TUBD1: variants seen among roughly 807,000 people sequenced by gnomAD.
The protein encoded by TUBD1 is tubulin delta 1.
A neutral mutation model predicts 51.2 loss-of-function variants in TUBD1; 38 were observed. The ratio of observed to expected loss-of-function variants is 0.74; its 90% CI spans 0.57 to 0.97. The LOEUF is 0.97. Among genes scored for constraint, TUBD1 ranks in the 50% least tolerant of loss-of-function variants. The pLI is 0.00. For synonymous variants in TUBD1, 169 were observed against 178.2 expected (o/e 0.95, Z 0.41); for missense variants, 489 against 538.4 (o/e 0.91, Z 0.91).
chr17:59,874,604 AAT>A lies in TUBD1; in HGVS notation c.867_868del (p.Phe290TyrfsTer16). ...ATGCTTGAGGAGGCCAGCCCAAGTA[AAT>A]GTGGTGTATGCCAATGAATTCTCAG... On this transcript the variant is annotated frameshift_variant, in exon 6 of 9. Coordinates refer to ENST00000325752, the MANE Select transcript of TUBD1 (RefSeq NM_016261.4). LOFTEE classifies it high-confidence loss of function. The A allele has an allele frequency of 1.2e-6, 2 of 1,613,762 alleles. No individual in the cohort carries two copies. Among genetic ancestry groups the A allele is most frequent in the Non-Finnish European group, 1.7e-6 (2 of 1,179,948 alleles).
At chr17:59,871,526 T>C (rs1231521007) in intron 6 of TUBD1, among the ~76,000 whole-genome samples, 1 of 152,062 alleles carries the variant, frequency 6.6e-6, no homozygotes, top group Non-Finnish European at 1.5e-5. Flanking sequence ...GCCTCAAACA[T>C]TTTAATTTCC....
chr17:59,890,027 C>T (rs1460796491), intron 2 of TUBD1, among the ~76,000 whole-genome samples: 1 of 121,098 alleles, frequency 8.3e-6, no homozygotes, highest in Non-Finnish European at 1.7e-5. Context: ...TGGTGGCATG[C>T]ACCTGCAGTC....
At chr17:59,880,488 G>C (rs2040433458) in intron 4 of TUBD1, among the ~76,000 whole-genome samples, 1 of 152,056 alleles carries the variant, frequency 6.6e-6, no homozygotes, top group Admixed American at 6.6e-5. Flanking sequence ...CATTTCCAAT[G>C]AAAGGGTGAG....
At chr17:59,873,131 G>GGAGA (rs1334048842) in intron 6 of TUBD1, among the ~76,000 whole-genome samples, 1 of 152,124 alleles carries the variant, frequency 6.6e-6, no homozygotes, top group African/African-American at 2.4e-5. Flanking sequence ...AACTATGGAG[G>GGAGA]CAAATTGTAG....
In TUBD1 at chr17:59,880,996, G is replaced by A; in HGVS notation, c.435C>T (p.Gly145=). The A allele has an allele frequency of 6.2e-7, 1 of 1,613,886 alleles. No homozygotes were observed. ...GFFIIMSMAG[G]TGSGLGAFVT... ...CGAAAGCTCCTAATCCTGATCCTGT[G>A]CCCCCAGCCATACTCATTATGATGA... Residue 145 remains glycine (G), a synonymous_variant, in exon 4 of 9, where the codon GGC becomes GGT. Transcript: ENST00000325752.
intron 2 of TUBD1, chr17:59,886,615 G>C (rs2040744136): frequency 8.3e-6 from 1 of 119,894 alleles, no homozygotes; most frequent in African/African-American, 3.2e-5. Context: ...GGGAGACAGA[G>C]TGAGATTCTG....
chr17:59,890,090 T>G (rs147379539), intron 2 of TUBD1, among the ~76,000 whole-genome samples: 1 of 150,188 alleles, frequency 6.7e-6, no homozygotes, highest in Non-Finnish European at 1.5e-5. Context: ...TTGGGCAACA[T>G]AGTGTAGTAA....
At chr17:59,885,335 T>G in intron 3 of TUBD1, 1 of 669,312 alleles carries the variant, frequency 1.5e-6, no homozygotes, top group East Asian at 2.9e-5. Context: ...CAGCTAGACA[T>G]GTATACCAGG....
intron 3 of TUBD1, among the ~76,000 whole-genome samples, chr17:59,884,261 T>G (rs1458869037): frequency 8.1e-6 from 1 of 123,452 alleles, no homozygotes; most frequent in East Asian, 2.4e-4. Flanking sequence ...ACTCTTGTCT[T>G]AAAAAAAAAA....
At chr17:59,862,714 ATTTTTTTTTTTTT>A (rs71145582) in intron 8 of TUBD1, among the ~76,000 whole-genome samples, 21,009 of 57,272 alleles carry the variant, frequency 0.37, 2,192 homozygotes, top group East Asian at 0.53. Context: ...TAATTTTTGT[ATTTTTTTTTTTTT>A]TTTTTTTTTT....
chr17:59,860,525 T>C, intron 8 of TUBD1, 101 bp from the exon 9 acceptor site: 7 of 709,150 alleles, frequency 9.9e-6, no homozygotes, highest in Non-Finnish European at 2.4e-6. Flanking sequence ...TGATGAACAT[T>C]TGAAGATCAC....
intron 8 of TUBD1, among the ~76,000 whole-genome samples, chr17:59,860,834 G>A (rs2039409211): frequency 1.3e-5 from 2 of 151,820 alleles, no homozygotes; most frequent in South Asian, 2.1e-4. Flanking sequence ...TGATCCACCC[G>A]CCTCGGCCTC....
In TUBD1 at chr17:59,886,222, C is replaced by CA. The variant is rs769557177; in HGVS notation, c.180dup (p.Ala61CysfsTer7). On this transcript the variant is annotated frameshift_variant, in exon 3 of 9. Transcript: ENST00000325752. LOFTEE classifies it high-confidence loss of function. The stretch of plus-strand genomic sequence containing the variant: ...TCCATGTCAACAAGAACAGCCCGGG[C>CA]AATTGGAACTAGAGGGGGAAAAAAA... 1 of 1,599,038 alleles carries CA rather than the reference C, an allele frequency of 6.3e-7. No homozygotes were observed. The highest frequency in any genetic ancestry group is 1.7e-5 in the Admixed American group (1 of 57,808).
Position 59,874,641 on chromosome 17 carries a change from G to A in TUBD1, c.832C>T (p.Pro278Ser), listed in dbSNP as rs748198228. ...GCCAATGAATTCTCAGACATGTGAG[G>A]AATGTTACGAACACTCAGCATCTTG... ...EFKMLSVRNIPHMSENSLAYT... is the reference protein window; with the variant it reads ...EFKMLSVRNISHMSENSLAYT... Residue 278 changes from proline to serine, a missense_variant, in exon 6 of 9, where the codon CCT becomes TCT. Coordinates refer to ENST00000325752, the MANE Select transcript of TUBD1 (RefSeq NM_016261.4). The A allele has an allele frequency of 1.9e-6, 3 of 1,613,690 alleles. No individual in the cohort carries two copies. Among genetic ancestry groups the A allele is most frequent in the Non-Finnish European group, 2.5e-6 (3 of 1,179,878 alleles).
chr17:59,885,321 C>A, intron 3 of TUBD1: 1 of 640,316 alleles, frequency 1.6e-6, no homozygotes, highest in Non-Finnish European at 2.9e-6. Flanking sequence ...AACCGATGCA[C>A]TGGCAGCTAG....
At chr17:59,875,420 A>G (rs963321260) in intron 5 of TUBD1, among the ~76,000 whole-genome samples, 30 of 151,680 alleles carry the variant, frequency 2.0e-4, no homozygotes, top group African/African-American at 6.8e-4. Context: ...TACATACCGT[A>G]TCTGGTTAGG....
Position 59,860,434 on chromosome 17 carries a change from A to C in TUBD1, c.1260-10T>G. 6.7e-7 allele frequency: 1 copy of C among 1,494,160 alleles called. No homozygotes were observed. Among genetic ancestry groups the C allele is most frequent in the East Asian group, 2.3e-5 (1 of 43,562 alleles). The allele number at this position is 1,494,160 out of a possible 1,614,324, so 92.6% of individuals were successfully genotyped here. A position where few individuals can be genotyped will look rare whatever the true frequency, so the allele number is the denominator to read the frequency against. On this transcript the variant is annotated splice_polypyrimidine_tract_variant and intron_variant, in intron 8 of 8. Coordinates refer to ENST00000325752, the MANE Select transcript of TUBD1 (RefSeq NM_016261.4). The stretch of plus-strand genomic sequence containing the variant: ...CTGATGAATGTAGGCTCTGGTAGAA[A>C]AAAAAAAAAAACAGAAATTACAAAA...
intron 2 of TUBD1, 102 bp from the exon 3 acceptor site, chr17:59,886,332 A>G (rs2144566981): frequency 2.3e-6 from 3 of 1,284,788 alleles, no homozygotes; most frequent in East Asian, 5.1e-5. Flanking sequence ...CAAAAAAAAA[A>G]AAAAAATTCC....
At chr17:59,885,313 C>A in intron 3 of TUBD1, 1 of 623,930 alleles carries the variant, frequency 1.6e-6, no homozygotes, top group Admixed American at 2.0e-5. Context: ...CTGGGGTGAA[C>A]CGATGCACTG....
Sources: allele counts gnomAD v4.1 joint callset (sites outside exome capture counted in the v4.1 genomes callset), GRCh38; gene constraint gnomAD v4.1.1; transcripts MANE v1.5; gene names NCBI Gene and HGNC (gene_info 2026-07-23, HGNC 2026-07-21).